The following LIG1 variants were observed in gnomAD, a reference collection of about 807,000 sequenced individuals.
LIG1 encodes the protein DNA ligase 1.
A neutral mutation model predicts 115.7 loss-of-function variants in LIG1; 70 were observed. The observed-to-expected ratio is 0.60, with a 90% CI of 0.50 to 0.74. The LOEUF is 0.74. Ranked by LOEUF, LIG1 falls within the 30% of genes least tolerant of loss-of-function variation. The probability of loss-of-function intolerance (pLI) is 0.00; values close to 1 mark genes in which losing one functional copy is unlikely to be tolerated. For synonymous variants in LIG1, 487 were observed against 495.3 expected (o/e 0.98, Z 0.22); for missense variants, 1,115 against 1,225.6 (o/e 0.91, Z 1.35).
chr19:48,133,293 AG>A (rs2034164733), intron 17 of LIG1, 196 bp from the exon 18 acceptor site: 1 of 598,242 alleles, frequency 1.7e-6, no homozygotes, highest in Non-Finnish European at 3.0e-6. Context: ...CAGGTGGGAA[AG>A]GCCATGTGAT....
intron 9 of LIG1, among the ~76,000 whole-genome samples, chr19:48,148,448 C>T (rs2035261905): frequency 1.4e-5 from 2 of 146,678 alleles, no homozygotes; most frequent in African/African-American, 5.2e-5. Flanking sequence ...GCACTCCAGC[C>T]TGGGCAACAG....
Position 48,122,606 on chromosome 19 carries a change from CTT to C in LIG1, c.2232+326_2232+327del, listed in dbSNP as rs2033367216. Among the ~76,000 whole-genome samples the C allele has an allele frequency of 6.6e-6, 1 of 152,250 alleles. No homozygotes were observed. ...CTTCATGGCGCCCACTCCTGCCTGA[CTT>C]TCTCTTATTCATGTCCTGGCTTAAT... On this transcript the variant is annotated intron_variant, in intron 23 of 27. Transcript: ENST00000263274. This position sits in a 1 kb window ranked among gnomAD's most constrained non-coding sequence, Gnocchi z 4.3.
At chr19:48,116,691 G>A (rs991461138) in intron 26 of LIG1, among the ~76,000 whole-genome samples, 2 of 152,170 alleles carry the variant, frequency 1.3e-5, no homozygotes, top group African/African-American at 4.8e-5. Flanking sequence ...ATTTTGAGAG[G>A]ATTAAATGAG....
At chr19:48,134,255 C>G (rs1398529220) in intron 16 of LIG1, among the ~76,000 whole-genome samples, 189 bp from the exon 17 acceptor site, 1 of 152,236 alleles carries the variant, frequency 6.6e-6, no homozygotes, top group African/African-American at 2.4e-5. Context: ...GTTGCTTTGT[C>G]TCCCTTAGTC....
intron 3 of LIG1, 52 bp from the exon 4 acceptor site, chr19:48,161,559 G>A: frequency 6.3e-7 from 1 of 1,597,476 alleles, no homozygotes; most frequent in Non-Finnish European, 8.6e-7. Context: ...CAGGCAGAGT[G>A]GGGGCACTGC....
At position 48,136,068 on chromosome 19, in the gene LIG1, G is replaced by C. The variant is rs757495180; in HGVS notation, c.1389C>G (p.Leu463=). ...GLAEQSVLAA[L]SQAVSLTPPG... ...GGGGCGTGAGGCTCACTGCCTGGGA[G>C]AGGGCAGCCAGCACCGACTGCTCTG... Residue 463 remains leucine, a synonymous_variant, in exon 15 of 28, where the codon CTC becomes CTG. Coordinates refer to ENST00000263274, the MANE Select transcript of LIG1 (RefSeq NM_000234.3). The C allele has an allele frequency of 1.9e-6, 3 of 1,572,092 alleles. No homozygotes were observed. Among genetic ancestry groups the C allele is most frequent in the South Asian group, 1.2e-5 (1 of 85,538 alleles).
intron 1 of LIG1, among the ~76,000 whole-genome samples, chr19:48,169,243 A>G (rs915288033): frequency 6.6e-6 from 1 of 152,194 alleles, no homozygotes; most frequent in Non-Finnish European, 1.5e-5. Context: ...CTATATCACA[A>G]TTACGATGGG....
chr19:48,162,392 G>C, intron 2 of LIG1, 41 bp from the exon 3 acceptor site: 3 of 1,325,434 alleles, frequency 2.3e-6, no homozygotes, highest in Non-Finnish European at 2.2e-6. Flanking sequence ...GAGAATAACA[G>C]CACCAATACC....
At position 48,137,549 on chromosome 19, in the gene LIG1, G is replaced by C. The variant is rs142732689; in HGVS notation, c.1227C>G (p.Arg409=). The C allele has an allele frequency of 3.0e-5, 48 of 1,613,270 alleles. 1 individual carries two copies. The African/African-American group carries it at 3.6e-4, about 12-fold the overall frequency. Residue 409 remains arginine (R), a synonymous_variant, in exon 13 of 28, where the codon CGC becomes CGG. Transcript: ENST00000263274. This position sits in a 1 kb window ranked among gnomAD's most constrained non-coding sequence, Gnocchi z 4.3. ...LTASGVFSKF[R]DIARLTGSAS... is the part of the protein sequence containing the mutation. ...CACTGCCAGTGAGCCTGGCGATGTC[G>C]CGGAACTTGCTGAAGACCCCGGAGG...
chr19:48,166,773 C>T (rs1343571542), intron 1 of LIG1, among the ~76,000 whole-genome samples: 4 of 151,776 alleles, frequency 2.6e-5, no homozygotes, highest in African/African-American at 4.8e-5. Flanking sequence ...GAGTTCGAGA[C>T]CAGCCTGGCC....
At chr19:48,168,283 T>G (rs2036584829) in intron 1 of LIG1, among the ~76,000 whole-genome samples, 3 of 152,144 alleles carry the variant, frequency 2.0e-5, no homozygotes, top group Non-Finnish European at 2.9e-5. Flanking sequence ...AATCCTCAAG[T>G]CAGCCCTCCA....
At position 48,137,626 on chromosome 19, in the gene LIG1, C is replaced by T. The variant is rs530117495; in HGVS notation, c.1150G>A (p.Glu384Lys). The change falls in exon 13 of 28, where the codon GAG becomes AAG. Residue 384 changes from glutamate to lysine, a missense_variant. Physicochemically the swap from Glu to Lys is moderately conservative, Grantham distance 56. Transcript: ENST00000263274. The surrounding 1 kb of genome is among the most constrained non-coding windows in gnomAD (Gnocchi z 4.3). ...AEKGDVGLVA[E>K]NSRSTQRLML... is the part of the protein sequence containing the mutation. The stretch of plus-strand genomic sequence containing the variant: ...AGCCTCTGGGTGCTGCGGCTGTTCT[C>T]GGCCACCAGCCCCACGTCGCCTTTC... The T allele has an allele frequency of 1.9e-6, 3 of 1,611,366 alleles. No individual in the cohort carries two copies. The highest frequency in any genetic ancestry group is 1.7e-5 in the Admixed American group (1 of 60,010).
chr19:48,122,949 C>A lies in LIG1; in HGVS notation c.2217G>T (p.Ser739=), dbSNP rs150917896. The A allele has an allele frequency of 9.3e-6, 15 of 1,613,218 alleles. No homozygotes were observed. The Admixed American group carries it at 2.5e-4, about 27-fold the overall frequency. Residue 739 remains serine, a synonymous_variant, in exon 23 of 28, where the codon TCG becomes TCT. Coordinates refer to ENST00000263274, the MANE Select transcript of LIG1 (RefSeq NM_000234.3). The surrounding 1 kb of genome is among the most constrained non-coding windows in gnomAD (Gnocchi z 4.3). ...VDATYEIAKR[S]HNWLKLKKDY... The stretch of plus-strand genomic sequence containing the variant: ...CGAGAATCACCTTGAGCCAGTTGTG[C>A]GATCTCTTGGCGATCTCGTAGGTGG...
In LIG1 at chr19:48,137,642, G is replaced by A. The variant is rs374582531; in HGVS notation, c.1134C>T (p.Asp378=). The part of the protein sequence containing the change: ...SVRAEAAEKG[D]VGLVAENSRS... ...GGCTGTTCTCGGCCACCAGCCCCAC[G>A]TCGCCTTTCTCGGCTGCCTCAGCCC... Residue 378 remains aspartate (D), a synonymous_variant, in exon 13 of 28, where the codon GAC becomes GAT. Transcript: ENST00000263274. This position sits in a 1 kb window ranked among gnomAD's most constrained non-coding sequence, Gnocchi z 4.3. 18 of 1,609,706 alleles carry A rather than the reference G, an allele frequency of 1.1e-5. No individual in the cohort carries two copies. The highest frequency in any genetic ancestry group is 6.7e-5 in the East Asian group (3 of 44,874).
rs748451532 is a variant in LIG1 at position 48,135,638 on chromosome 19, G to C, written c.1523+42C>G. ...GGCTCCACCCCCACCCTGGCACTCT[G>C]CCCACAGCCCCTGGCAACTCCACCC... On this transcript the variant is annotated intron_variant, in intron 16 of 27. Coordinates refer to ENST00000263274, the MANE Select transcript of LIG1 (RefSeq NM_000234.3). The C allele has an allele frequency of 2.7e-6, 4 of 1,486,998 alleles. No individual in the cohort carries two copies. In the African/African-American group the frequency reaches 5.5e-5, roughly 21 times the overall value. The allele number at this position is 1,486,998 out of a possible 1,614,324, so 92.1% of individuals were successfully genotyped here. A position where few individuals can be genotyped will look rare whatever the true frequency, so the allele number is the denominator to read the frequency against.
intron 4 of LIG1, among the ~76,000 whole-genome samples, chr19:48,157,434 T>C (rs2035921908): frequency 2.0e-5 from 3 of 152,246 alleles, no homozygotes; most frequent in East Asian, 1.9e-4. Flanking sequence ...TGCACTACCA[T>C]GCCTGGCTAA....
intron 21 of LIG1, among the ~76,000 whole-genome samples, chr19:48,123,966 T>G (rs1294794611): frequency 6.6e-6 from 1 of 152,228 alleles, no homozygotes; most frequent in African/African-American, 2.4e-5. Flanking sequence ...CAGCTGGACC[T>G]TGCAAGAGTG....
In LIG1 at chr19:48,133,057, G is replaced by GC; in HGVS notation, c.1649dup (p.Ile551HisfsTer9). 1 of 1,614,130 alleles carries GC rather than the reference G, an allele frequency of 6.2e-7. No homozygotes were observed. Among genetic ancestry groups the GC allele is most frequent in the Non-Finnish European group, 8.5e-7 (1 of 1,179,980 alleles). ...CAAAGCGTTTCAGGACCTCGCTGAT[G>GC]CCCCGGGTGGGATGGGCCAACATTG... On this transcript the variant is annotated frameshift_variant, in exon 18 of 28. Transcript: ENST00000263274. LOFTEE classifies it high-confidence loss of function.
intron 24 of LIG1, among the ~76,000 whole-genome samples, chr19:48,119,827 G>A (rs556547761): frequency 1.1e-3 from 172 of 152,302 alleles, no homozygotes; most frequent in African/African-American, 4.1e-3. Context: ...ACAGGCGTGA[G>A]TGGCCATGCC....
Sources: allele counts gnomAD v4.1 joint callset (sites outside exome capture counted in the v4.1 genomes callset), GRCh38; gene constraint gnomAD v4.1.1; non-coding constraint Gnocchi (gnomAD v3.1); transcripts MANE v1.5; gene names NCBI Gene and HGNC (gene_info 2026-07-23, HGNC 2026-07-21).